The following LRP1B variants were observed in gnomAD, a reference collection of about 807,000 sequenced individuals.
LRP1B encodes LDL receptor related protein 1B, also known as low-density lipoprotein receptor-related protein 1B.
In LRP1B, 217 loss-of-function variants were observed where a neutral mutation model predicts 556.6. The observed-to-expected ratio is 0.39, with a 90% CI of 0.35 to 0.44. The LOEUF is 0.44. Among genes scored for constraint, LRP1B ranks in the 20% least tolerant of loss-of-function variants. The pLI, the probability that LRP1B is intolerant of heterozygous loss-of-function variation, is 1.00. For synonymous variants in LRP1B, 2,047 were observed against 1,865.8 expected (o/e 1.10, Z -2.50); for missense variants, 5,053 against 5,620.8 (o/e 0.90, Z 3.23).
At chr2:140,632,288 T>C (rs1683914710) in intron 41 of LRP1B, among the ~76,000 whole-genome samples, 1 of 152,066 alleles carries the variant, frequency 6.6e-6, no homozygotes, top group African/African-American at 2.4e-5. Context: ...TTTTTTAAAA[T>C]AATAATAGAA....
intron 29 of LRP1B, among the ~76,000 whole-genome samples, chr2:140,847,691 C>T (rs528898584): frequency 3.7e-4 from 56 of 151,864 alleles, no homozygotes; most frequent in African/African-American, 1.4e-3. Context: ...AGCTTGAACC[C>T]TGGAGGCAGA....
At chr2:141,672,180 A>G (rs917477061) in intron 2 of LRP1B, among the ~76,000 whole-genome samples, 1 of 152,146 alleles carries the variant, frequency 6.6e-6, no homozygotes, top group Non-Finnish European at 1.5e-5. Flanking sequence ...GTGTTTCAAG[A>G]TCTCAGGCAG....
chr2:140,649,071 C>T (rs1181241484), intron 41 of LRP1B, among the ~76,000 whole-genome samples: 1 of 152,026 alleles, frequency 6.6e-6, no homozygotes, highest in Non-Finnish European at 1.5e-5. Context: ...GTAATTCAGG[C>T]CAATATTTAA....
rs183116921 is a variant in LRP1B at position 141,695,733 on chromosome 2, C to A, written c.205+114546G>T. ...TGTATTGTTAAAAAAAACCCAAAAA[C>A]CAGATGAGGTCCTAAATAACATCGT... On this transcript the variant is annotated intron_variant, in intron 2 of 90. Coordinates refer to ENST00000389484, the MANE Select transcript of LRP1B (RefSeq NM_018557.3). Among the ~76,000 whole-genome samples the A allele has an allele frequency of 2.0e-3, 310 of 151,992 alleles. 5 individuals carry two copies. The highest frequency in any genetic ancestry group is 5.3e-4 in the Non-Finnish European group (36 of 67,902).
At chr2:140,691,663 A>C in intron 41 of LRP1B, among the ~76,000 whole-genome samples, 1 of 152,250 alleles carries the variant, frequency 6.6e-6, no homozygotes, top group Non-Finnish European at 1.5e-5. Flanking sequence ...CAATGTCTAT[A>C]AATATAAAGA....
At chr2:141,192,489 T>C (rs1299368410) in intron 6 of LRP1B, among the ~76,000 whole-genome samples, 1 of 151,940 alleles carries the variant, frequency 6.6e-6, no homozygotes, top group African/African-American at 2.4e-5. Flanking sequence ...AATCATTTTA[T>C]GACATTACTA....
chr2:140,671,377 C>T (rs1226946734), intron 41 of LRP1B, among the ~76,000 whole-genome samples: 8 of 152,054 alleles, frequency 5.3e-5, no homozygotes, highest in African/African-American at 1.4e-4. Context: ...AAAAATTAGC[C>T]GGGCATGATG....
intron 18 of LRP1B, among the ~76,000 whole-genome samples, chr2:140,981,226 G>A (rs1696759963): frequency 6.6e-6 from 1 of 151,646 alleles, no homozygotes; most frequent in African/African-American, 2.4e-5. Flanking sequence ...AAAACCACCT[G>A]TACCTCCAAA....
chr2:141,518,105 T>C (rs938696625), intron 2 of LRP1B, among the ~76,000 whole-genome samples: 1 of 126,490 alleles, frequency 7.9e-6, no homozygotes, highest in Non-Finnish European at 1.7e-5. Context: ...AGGTTAAAAA[T>C]TGAGCAAGGT....
intron 2 of LRP1B, among the ~76,000 whole-genome samples, chr2:141,643,841 A>G (rs1168425502): frequency 2.0e-5 from 3 of 152,126 alleles, no homozygotes; most frequent in African/African-American, 4.8e-5. Context: ...TAACTTCTCT[A>G]ATTCTTAGCA....
At chr2:141,086,190 T>C (rs1391517871) in intron 7 of LRP1B, among the ~76,000 whole-genome samples, 1 of 152,200 alleles carries the variant, frequency 6.6e-6, no homozygotes, top group East Asian at 1.9e-4. Context: ...TATATGAACG[T>C]TCTCTATTTT....
intron 7 of LRP1B, among the ~76,000 whole-genome samples, chr2:141,115,129 T>C (rs1280779145): frequency 6.9e-6 from 1 of 144,904 alleles, no homozygotes. Context: ...GATAATGTTC[T>C]TTGGTCTTTA....
At chr2:140,343,944 T>C (rs1250420344) in intron 77 of LRP1B, among the ~76,000 whole-genome samples, 1 of 151,580 alleles carries the variant, frequency 6.6e-6, no homozygotes, top group East Asian at 1.9e-4. Context: ...TCTGGGGGAA[T>C]AGATTACTGA....
intron 7 of LRP1B, among the ~76,000 whole-genome samples, chr2:141,171,789 G>A (rs778745422): frequency 6.6e-6 from 1 of 152,008 alleles, no homozygotes; most frequent in Non-Finnish European, 1.5e-5. Flanking sequence ...ATCTTTAAAA[G>A]GGAATGATAC....
intron 7 of LRP1B, among the ~76,000 whole-genome samples, chr2:141,099,968 C>A (rs995221208): frequency 6.6e-6 from 1 of 152,110 alleles, no homozygotes; most frequent in African/African-American, 2.4e-5. Context: ...ATTTTACCAA[C>A]AAAATATATT....
At chr2:142,068,986 T>C (rs547627120) in intron 1 of LRP1B, among the ~76,000 whole-genome samples, 2 of 151,198 alleles carry the variant, frequency 1.3e-5, no homozygotes, top group South Asian at 4.2e-4. Context: ...GAGAAAATGG[T>C]TCCATCTCTC....
chr2:141,848,112 GTCAA>G (rs1487673729), intron 1 of LRP1B, among the ~76,000 whole-genome samples: 2 of 151,534 alleles, frequency 1.3e-5, no homozygotes, highest in Non-Finnish European at 3.0e-5. Flanking sequence ...AACTTACAAT[GTCAA>G]TCAAATATTT....
intron 84 of LRP1B, among the ~76,000 whole-genome samples, chr2:140,286,317 A>C (rs575638184): frequency 6.6e-6 from 1 of 151,806 alleles, no homozygotes; most frequent in Non-Finnish European, 1.5e-5. Context: ...GAAGTTTGCC[A>C]GCATGGGTTT....
At chr2:140,249,681 T>G (rs904909332) in intron 86 of LRP1B, among the ~76,000 whole-genome samples, 5 of 151,798 alleles carry the variant, frequency 3.3e-5, no homozygotes, top group African/African-American at 1.2e-4. Context: ...CTGTTCTGCA[T>G]TTGTCTTGGT....
Sources: gnomAD v4.1 joint callset for allele counts (sites outside exome capture counted in the v4.1 genomes callset) on GRCh38, gnomAD v4.1.1 for gene constraint, MANE v1.5 for transcripts, NCBI Gene and HGNC (gene_info 2026-07-23, HGNC 2026-07-21) for gene names.